ARHGAP6: variants seen among roughly 807,000 people sequenced by gnomAD.
The protein encoded by ARHGAP6 is Rho GTPase activating protein 6.
ARHGAP6 carries 16 observed loss-of-function variants against 55.7 expected under a neutral mutation model. The ratio of observed to expected loss-of-function variants is 0.29; its 90% CI spans 0.19 to 0.44. ARHGAP6 has a LOEUF of 0.44. ARHGAP6 is among the 20% of genes least tolerant of loss of function. ARHGAP6 has a pLI of 1.00. For missense variants in ARHGAP6, 698 were observed against 808.9 expected (o/e 0.86, Z 1.66); for synonymous variants, 382 against 360.9 (o/e 1.06, Z -0.66).
chrX:11,206,456 G>T (rs895603015), intron 2 of ARHGAP6, among the ~76,000 whole-genome samples: 13 of 111,668 alleles, frequency 1.2e-4, no homozygotes, highest in Middle Eastern at 4.6e-3. Flanking sequence ...AGCAAACTTT[G>T]ATTTTTAAAG....
intron 1 of ARHGAP6, among the ~76,000 whole-genome samples, chrX:11,648,111 T>C (rs2052548607): frequency 8.9e-6 from 1 of 112,312 alleles, no homozygotes; most frequent in Admixed American, 9.4e-5. Context: ...AGGGTAACTA[T>C]ACCTAATAAC....
At chrX:11,187,164 T>G (rs773462253) in intron 4 of ARHGAP6, among the ~76,000 whole-genome samples, 22 of 111,482 alleles carry the variant, frequency 2.0e-4, no homozygotes, top group Admixed American at 1.7e-3. Flanking sequence ...GGCAGAGAGA[T>G]AATATTATCT....
At chrX:11,339,144 A>G (rs1416052471) in intron 1 of ARHGAP6, among the ~76,000 whole-genome samples, 1 of 111,926 alleles carries the variant, frequency 8.9e-6, no homozygotes, top group Non-Finnish European at 1.9e-5. Flanking sequence ...TCTCAGGCAC[A>G]CTCCAGGTGC....
intron 1 of ARHGAP6, among the ~76,000 whole-genome samples, chrX:11,605,751 A>T (rs1173901311): frequency 9.0e-6 from 1 of 111,325 alleles, no homozygotes; most frequent in Non-Finnish European, 1.9e-5. Flanking sequence ...AATCCTAATA[A>T]CAACAATTGA....
intron 1 of ARHGAP6, among the ~76,000 whole-genome samples, chrX:11,415,451 C>A (rs776284505): frequency 1.8e-5 from 2 of 111,788 alleles, no homozygotes. Flanking sequence ...AACTCACTGA[C>A]GAAACAGAAA....
chrX:11,563,146 A>G (rs1189406135), intron 1 of ARHGAP6, among the ~76,000 whole-genome samples: 2 of 112,050 alleles, frequency 1.8e-5, no homozygotes, highest in Non-Finnish European at 3.8e-5. Flanking sequence ...AGTTGAAAAA[A>G]GAGAGGAAGA....
At chrX:11,206,313 T>C (rs1308441012) in intron 2 of ARHGAP6, among the ~76,000 whole-genome samples, 7 of 112,381 alleles carry the variant, frequency 6.2e-5, no homozygotes, top group Non-Finnish European at 1.3e-4. Flanking sequence ...CTGCTTAGCA[T>C]ATTGATGTGA....
At chrX:11,359,777 A>G (rs1406999719) in intron 1 of ARHGAP6, among the ~76,000 whole-genome samples, 2 of 112,311 alleles carry the variant, frequency 1.8e-5, no homozygotes. Context: ...ATAAAGAAAA[A>G]AAGAGAGAAG....
intron 1 of ARHGAP6, among the ~76,000 whole-genome samples, chrX:11,448,216 C>T (rs1456750793): frequency 1.8e-5 from 2 of 112,286 alleles, no homozygotes. Context: ...TCCAATCCTT[C>T]CTCCTTACTT....
chrX:11,528,493 A>G (rs139014707), intron 1 of ARHGAP6, among the ~76,000 whole-genome samples: 6 of 111,822 alleles, frequency 5.4e-5, no homozygotes, highest in African/African-American at 1.9e-4. Flanking sequence ...ACCTTTTACC[A>G]AAAGGGTTGC....
chrX:11,459,911 A>G (rs1406407260), intron 1 of ARHGAP6, among the ~76,000 whole-genome samples: 1 of 110,468 alleles, frequency 9.1e-6, no homozygotes, highest in African/African-American at 3.3e-5. Flanking sequence ...GTAGCCAATG[A>G]ATTAGTGTTA....
At chrX:11,494,028 A>C (rs745955460) in intron 1 of ARHGAP6, among the ~76,000 whole-genome samples, 1 of 109,888 alleles carries the variant, frequency 9.1e-6, no homozygotes, top group South Asian at 4.0e-4. Flanking sequence ...TGGGCTCCTC[A>C]ACACAGCAGT....
chrX:11,324,549 TC>T (rs1405193178), intron 1 of ARHGAP6, among the ~76,000 whole-genome samples: 2 of 108,845 alleles, frequency 1.8e-5, no homozygotes, highest in African/African-American at 6.7e-5. Context: ...GCACTCACCT[TC>T]CAGTCCTGAT....
chrX:11,199,700 C>T (rs1009432439), intron 2 of ARHGAP6, among the ~76,000 whole-genome samples: 2 of 112,426 alleles, frequency 1.8e-5, no homozygotes, highest in African/African-American at 6.5e-5. Flanking sequence ...AGTCTCCTTA[C>T]AGGCAAAGTA....
intron 2 of ARHGAP6, among the ~76,000 whole-genome samples, chrX:11,247,729 G>A (rs2047371695): frequency 8.9e-6 from 1 of 112,228 alleles, no homozygotes; most frequent in African/African-American, 3.2e-5. Context: ...CATACTACTT[G>A]ATATACAAAA....
chrX:11,227,367 G>A (rs1356261024), intron 2 of ARHGAP6, among the ~76,000 whole-genome samples: 1 of 111,864 alleles, frequency 8.9e-6, no homozygotes, highest in East Asian at 2.8e-4. Flanking sequence ...TCCTTCCCAT[G>A]CAGTTATTGC....
intron 1 of ARHGAP6, among the ~76,000 whole-genome samples, chrX:11,342,296 A>G (rs888820246): frequency 7.1e-5 from 8 of 111,924 alleles, no homozygotes; most frequent in Admixed American, 6.7e-4. Context: ...TGACTGACAC[A>G]TATATCATCA....
At chrX:11,360,808 G>A (rs1223196428) in intron 1 of ARHGAP6, among the ~76,000 whole-genome samples, 1 of 111,641 alleles carries the variant, frequency 9.0e-6, no homozygotes, top group African/African-American at 3.3e-5. Flanking sequence ...CCTCAGCAAA[G>A]TCTCAGGATA....
At chrX:11,206,515 T>G (rs1273380816) in intron 2 of ARHGAP6, among the ~76,000 whole-genome samples, 1 of 112,004 alleles carries the variant, frequency 8.9e-6, no homozygotes. Context: ...TTTAGATGAT[T>G]TAGAAGAGCA....
Sources: allele counts gnomAD v4.1 joint callset (sites outside exome capture counted in the v4.1 genomes callset), GRCh38; gene constraint gnomAD v4.1.1; transcripts MANE v1.5; gene names NCBI Gene and HGNC (gene_info 2026-07-23, HGNC 2026-07-21).